The following FBN1 variants were observed in gnomAD, a reference collection of about 807,000 sequenced individuals.
The protein encoded by FBN1 is fibrillin 1.
In FBN1, 29 loss-of-function variants were observed where a neutral mutation model predicts 365.1. That is an observed-to-expected ratio of 0.08 (90% CI 0.06 to 0.11). FBN1 has a LOEUF of 0.11. Ranked by LOEUF, FBN1 falls within the 10% of genes least tolerant of loss-of-function variation. FBN1 has a pLI of 1.00. For missense variants in FBN1, 2,476 were observed against 3,703.2 expected, an observed-to-expected ratio of 0.67 and a Z score of 8.60; for synonymous variants, 1,210 against 1,270.5, an observed-to-expected ratio of 0.95 and a Z score of 1.01.
chr15:48,514,944 T>C (rs144780671), intron 12 of FBN1, among the ~76,000 whole-genome samples: 2 of 152,346 alleles, frequency 1.3e-5, no homozygotes, highest in East Asian at 3.9e-4. Flanking sequence ...AGGTAGCTAA[T>C]CAGTGATCTT....
chr15:48,562,035 C>A (rs1366877919), intron 6 of FBN1, among the ~76,000 whole-genome samples: 2 of 152,056 alleles, frequency 1.3e-5, no homozygotes, highest in Non-Finnish European at 2.9e-5. Context: ...GCTGAGTAAC[C>A]CTGCCAATCA....
intron 2 of FBN1, among the ~76,000 whole-genome samples, chr15:48,635,036 A>G (rs1225079721): frequency 6.6e-6 from 1 of 152,142 alleles, no homozygotes; most frequent in East Asian, 1.9e-4. Context: ...CCCAACACCA[A>G]CATCATAAAA....
intron 4 of FBN1, among the ~76,000 whole-genome samples, chr15:48,609,309 G>C (rs1458975482): frequency 6.6e-6 from 1 of 152,208 alleles, no homozygotes; most frequent in Non-Finnish European, 1.5e-5. Context: ...CAGCCCATAG[G>C]GCAATTTCTA....
At chr15:48,511,679 T>G (rs945984950) in intron 13 of FBN1, among the ~76,000 whole-genome samples, 2 of 152,324 alleles carry the variant, frequency 1.3e-5, no homozygotes, top group Non-Finnish European at 2.9e-5. Context: ...TGTGGCAACT[T>G]TCATCAGCAA....
Position 48,411,398 on chromosome 15 carries a change from A to G in FBN1, c.8227-19T>C, listed in dbSNP as rs1456001528. 1.9e-6 allele frequency: 3 copies of G among 1,611,330 alleles called. No homozygotes were observed. The highest frequency in any genetic ancestry group is 2.5e-6 in the Non-Finnish European group (3 of 1,178,210). On this transcript the variant is annotated intron_variant, in intron 65 of 65. Coordinates refer to ENST00000316623, the MANE Select transcript of FBN1 (RefSeq NM_000138.5). ...ACTGATCCTGGAAAGACACATGGCAATATGTTAAATACAATGTACATATGC... is the reference window on the plus strand; with the variant it reads ...ACTGATCCTGGAAAGACACATGGCAGTATGTTAAATACAATGTACATATGC...
In FBN1 at chr15:48,562,315, T is replaced by C. The variant is rs1293331871; in HGVS notation, c.539-24507A>G. ...AAAGAGGCCATGGATTACTGTGATA[T>C]ATCTACTTCAGGGAAACTTTACAAT... On this transcript the variant is annotated intron_variant, in intron 6 of 65. Coordinates refer to ENST00000316623, the MANE Select transcript of FBN1 (RefSeq NM_000138.5). Among the ~76,000 whole-genome samples the C allele has an allele frequency of 2.0e-5, 3 of 152,168 alleles. No homozygotes were observed. In the East Asian group the frequency reaches 5.8e-4, roughly 29 times the overall value.
At chr15:48,519,636 A>C (rs572069021) in intron 10 of FBN1, among the ~76,000 whole-genome samples, 2 of 152,230 alleles carry the variant, frequency 1.3e-5, no homozygotes, top group Non-Finnish European at 2.9e-5. Flanking sequence ...AAGAGGATAT[A>C]TAACAGGCAA....
intron 62 of FBN1, 54 bp from the exon 63 acceptor site, chr15:48,420,860 C>T (rs1299815181): frequency 6.2e-7 from 1 of 1,606,530 alleles, no homozygotes; most frequent in African/African-American, 1.3e-5. Flanking sequence ...TCTCTGAAGC[C>T]AGATGGATTC....
intron 2 of FBN1, among the ~76,000 whole-genome samples, chr15:48,628,378 C>A (rs746256492): frequency 4.6e-5 from 7 of 151,974 alleles, no homozygotes; most frequent in South Asian, 2.1e-4. Flanking sequence ...ATATTAAAAT[C>A]TCTGCAGATA....
At chr15:48,631,531 G>A (rs935448505) in intron 2 of FBN1, among the ~76,000 whole-genome samples, 13 of 152,170 alleles carry the variant, frequency 8.5e-5, no homozygotes, top group Admixed American at 4.6e-4. Flanking sequence ...CAAACTCTTC[G>A]TTTCCTAAGC....
intron 4 of FBN1, among the ~76,000 whole-genome samples, chr15:48,602,524 A>C (rs1406641700): frequency 6.6e-6 from 1 of 152,182 alleles, no homozygotes; most frequent in African/African-American, 2.4e-5. Context: ...CCCAAAGACC[A>C]AACTGAGACT....
chr15:48,414,900 A>C (rs1475349982), intron 64 of FBN1, among the ~76,000 whole-genome samples: 58 of 152,002 alleles, frequency 3.8e-4, no homozygotes, highest in Admixed American at 9.8e-4. Context: ...CGTCTAAAAA[A>C]AAAAAAAAAA....
chr15:48,447,805 A>G (rs114710102), intron 46 of FBN1, among the ~76,000 whole-genome samples: 3,321 of 152,220 alleles, frequency 0.022, 68 homozygotes, highest in East Asian at 0.083. Flanking sequence ...TGCTAACCCA[A>G]AGGGACTCTA....
At chr15:48,415,476 T>A (rs1325810468) in intron 64 of FBN1, 60 bp downstream of exon 64, 2 of 1,281,268 alleles carry the variant, frequency 1.6e-6, no homozygotes, top group African/African-American at 2.9e-5. Flanking sequence ...GAGTTCAGTA[T>A]ACTTAATTAT....
chr15:48,580,955 A>T (rs2140686770), intron 6 of FBN1, among the ~76,000 whole-genome samples: 1 of 152,298 alleles, frequency 6.6e-6, no homozygotes, highest in South Asian at 2.1e-4. Flanking sequence ...GGCAGACAAG[A>T]GCCAAACACC....
chr15:48,480,044 AC>A (rs2043454916), intron 32 of FBN1, among the ~76,000 whole-genome samples: 1 of 152,136 alleles, frequency 6.6e-6, no homozygotes, highest in Non-Finnish European at 1.5e-5. Flanking sequence ...TTTACCTAAA[AC>A]TACATTAAAT....
intron 6 of FBN1, among the ~76,000 whole-genome samples, chr15:48,587,308 A>G (rs538716262): frequency 1.3e-5 from 2 of 152,372 alleles, no homozygotes; most frequent in South Asian, 4.1e-4. Context: ...TCTATAAGAA[A>G]GTGAAAACAG....
At chr15:48,515,679 A>G in intron 11 of FBN1, 152 bp from the exon 12 acceptor site, 1 of 1,011,416 alleles carries the variant, frequency 9.9e-7, no homozygotes, top group South Asian at 1.4e-5. Context: ...GCATATTTCC[A>G]CCCTGCCAAC....
intron 30 of FBN1, 50 bp downstream of exon 30, chr15:48,485,324 T>C (rs1281402599): frequency 1.9e-6 from 3 of 1,613,664 alleles, no homozygotes; most frequent in East Asian, 2.2e-5. Context: ...CTAAACTACT[T>C]TACTTAGGAA....
Sources: allele counts gnomAD v4.1 joint callset (sites outside exome capture counted in the v4.1 genomes callset), GRCh38; gene constraint gnomAD v4.1.1; transcripts MANE v1.5; gene names NCBI Gene and HGNC (gene_info 2026-07-23, HGNC 2026-07-21).